The following RHOT1 variants were observed in gnomAD, a reference collection of about 807,000 sequenced individuals.
RHOT1 encodes the protein ras homolog family member T1.
A neutral mutation model predicts 95.3 loss-of-function variants in RHOT1; 27 were observed. The observed-to-expected ratio is 0.28, with a 90% CI of 0.21 to 0.39. The LOEUF is 0.39. Ranked by LOEUF, RHOT1 falls within the 10% of genes least tolerant of loss-of-function variation. The pLI is 1.00. For synonymous variants in RHOT1, 227 were observed against 263.5 expected, an observed-to-expected ratio of 0.86 and a Z score of 1.34; for missense variants, 578 against 786.7, an observed-to-expected ratio of 0.73 and a Z score of 3.17.
chr17:32,197,363 G>T (rs2036967821), intron 11 of RHOT1, among the ~76,000 whole-genome samples: 1 of 150,502 alleles, frequency 6.6e-6, no homozygotes, highest in South Asian at 2.1e-4. Flanking sequence ...CGAGTAGCTG[G>T]GATTACAGGT....
At chr17:32,215,554 A>G (rs146085064) in intron 19 of RHOT1, among the ~76,000 whole-genome samples, 1,651 of 144,762 alleles carry the variant, frequency 0.011, 30 homozygotes, top group African/African-American at 0.04. Context: ...AACTTTGGTT[A>G]TATTTTCAGT....
At chr17:32,211,434 A>G (rs2142910879) in intron 19 of RHOT1, 196 bp downstream of exon 19, 1 of 410,544 alleles carries the variant, frequency 2.4e-6, no homozygotes, top group East Asian at 3.6e-5. Flanking sequence ...ATTAATAGGT[A>G]TATTTAGAGG....
chr17:32,194,067 G>C lies in RHOT1; in HGVS notation c.829G>C (p.Asp277His), dbSNP rs747003726. Reference protein sequence around the residue: ...TWTVLRRFGYDDDLDLTPEYL... With the variant: ...TWTVLRRFGYHDDLDLTPEYL... ...GACTGTGCTTCGACGATTTGGTTAT[G>C]ATGATGACCTGGATTTGACACCTGA... is the stretch of plus-strand genomic sequence containing the variant. Residue 277 changes from aspartate (D) to histidine (H), a missense_variant, in exon 11 of 20, where the codon GAT becomes CAT. This residue lies in a region of RHOT1 where 227 missense variants were observed against 316.0 expected (regional missense o/e 0.72). Transcript: ENST00000545287. 10 of 1,614,056 alleles carry C rather than the reference G, an allele frequency of 6.2e-6. No homozygotes were observed. The highest frequency in any genetic ancestry group is 8.5e-6 in the Non-Finnish European group (10 of 1,180,034).
intron 16 of RHOT1, among the ~76,000 whole-genome samples, chr17:32,204,407 G>A (rs992781109): frequency 3.3e-5 from 5 of 151,636 alleles, no homozygotes; most frequent in East Asian, 1.9e-4. Flanking sequence ...AAAATTAGCC[G>A]GGCATGGTGG....
At chr17:32,177,817 C>G (rs2035138535) in intron 6 of RHOT1, among the ~76,000 whole-genome samples, 2 of 147,082 alleles carry the variant, frequency 1.4e-5, no homozygotes, top group African/African-American at 5.0e-5. Flanking sequence ...TGACATCTTT[C>G]TTTCTTTCTT....
At chr17:32,169,629 A>T (rs998583705) in intron 1 of RHOT1, among the ~76,000 whole-genome samples, 2 of 152,314 alleles carry the variant, frequency 1.3e-5, no homozygotes, top group African/African-American at 4.8e-5. Context: ...AGTTAAAAAT[A>T]AAAAAGATCT....
intron 1 of RHOT1, 77 bp downstream of exon 1, chr17:32,142,806 C>CT: frequency 7.8e-7 from 1 of 1,289,404 alleles, no homozygotes; most frequent in Non-Finnish European, 1.1e-6. Flanking sequence ...CCTGTCGCCC[C>CT]TGCAGCCCCA....
Position 32,194,074 on chromosome 17 carries a change from A to T in RHOT1, c.836A>T (p.Asp279Val), listed in dbSNP as rs1340844158. The T allele has an allele frequency of 6.2e-7, 1 of 1,614,090 alleles. No homozygotes were observed. ...TVLRRFGYDD[D>V]LDLTPEYLFP... ...CTTCGACGATTTGGTTATGATGATG[A>T]CCTGGATTTGACACCTGAATATTTG... Residue 279 changes from aspartate to valine, a missense_variant, in exon 11 of 20, where the codon GAC becomes GTC. Asp to Val is a radical substitution (Grantham distance 152, BLOSUM62 -3). This residue lies in a region of RHOT1 where 227 missense variants were observed against 316.0 expected (regional missense o/e 0.72). Coordinates refer to ENST00000545287, the MANE Select transcript of RHOT1 (RefSeq NM_001033566.3).
intron 1 of RHOT1, among the ~76,000 whole-genome samples, chr17:32,149,503 T>A (rs367689612): frequency 6.8e-6 from 1 of 146,154 alleles, no homozygotes; most frequent in Non-Finnish European, 1.5e-5. Flanking sequence ...TTTCATTATC[T>A]TTAGCATAGT....
At chr17:32,189,084 G>T (rs1430657535) in intron 8 of RHOT1, among the ~76,000 whole-genome samples, 1 of 152,198 alleles carries the variant, frequency 6.6e-6, no homozygotes, top group Non-Finnish European at 1.5e-5. Flanking sequence ...TGGATCATGA[G>T]GTAGGATATC....
intron 1 of RHOT1, among the ~76,000 whole-genome samples, chr17:32,161,257 GA>G (rs1460006984): frequency 4.6e-5 from 7 of 152,314 alleles, no homozygotes; most frequent in African/African-American, 1.7e-4. Flanking sequence ...TCGGGATGTG[GA>G]AAACGTTCCT....
At position 32,225,609 on chromosome 17, in the gene RHOT1, A is replaced by G. The variant is rs2039077693; in HGVS notation, c.*876A>G. ...TCTATATCAGGCTAGGATAACCTAG[A>G]GGCAGTAATTTTTTAAATGATAAAA... On this transcript the variant is annotated 3_prime_UTR_variant, in exon 20 of 20. Transcript: ENST00000545287. The G allele has an allele frequency of 6.6e-6, 1 of 152,420 alleles. No individual in the cohort carries two copies. Among genetic ancestry groups the G allele is most frequent in the Non-Finnish European group, 1.5e-5 (1 of 68,040 alleles). 9.4% of individuals were successfully genotyped at this position (152,420 alleles called of 1,614,324 possible). A position where few individuals can be genotyped will look rare whatever the true frequency, so the allele number is the denominator to read the frequency against.
intron 2 of RHOT1, among the ~76,000 whole-genome samples, 162 bp downstream of exon 2, chr17:32,171,263 C>T (rs927567458): frequency 6.6e-6 from 1 of 152,138 alleles, no homozygotes; most frequent in African/African-American, 2.4e-5. Context: ...CTCTATTGCC[C>T]AGGCTGGAGT....
chr17:32,148,385 A>C (rs188811656), intron 1 of RHOT1, among the ~76,000 whole-genome samples: 1 of 152,262 alleles, frequency 6.6e-6, no homozygotes, highest in South Asian at 2.1e-4. Context: ...CATAGAGTCC[A>C]TTCTGCATAA....
At chr17:32,182,979 C>G in intron 7 of RHOT1, 114 bp downstream of exon 7, 1 of 793,424 alleles carries the variant, frequency 1.3e-6, no homozygotes, top group Non-Finnish European at 2.0e-6. Context: ...TTTGTGAAGT[C>G]ACGTAAACCA....
intron 1 of RHOT1, among the ~76,000 whole-genome samples, chr17:32,148,040 C>T (rs1193294735): frequency 2.0e-5 from 3 of 152,018 alleles, no homozygotes; most frequent in Admixed American, 6.6e-5. Flanking sequence ...CTGAGGCGGG[C>T]GGATCACAAG....
At chr17:32,176,037 C>G in intron 5 of RHOT1, 22 bp downstream of exon 5, 8 of 1,601,194 alleles carry the variant, frequency 5.0e-6, no homozygotes, top group Non-Finnish European at 5.1e-6. Context: ...CTTTTTTTCC[C>G]TATAGTTGGT....
chr17:32,165,808 C>A (rs1034403921), intron 1 of RHOT1, among the ~76,000 whole-genome samples: 1 of 152,008 alleles, frequency 6.6e-6, no homozygotes, highest in Non-Finnish European at 1.5e-5. Context: ...AACAGGCATA[C>A]CTCAGAGAAA....
rs375632536 is a variant in RHOT1, at chr17:32,206,385, T to TCTTAATC, written c.1417-524_1417-518dup. ...TGCACCTGGCTAAGCTTCCACAGAA[T>TCTTAATC]CTTAATCACCATTTTTAGTCTGCAG... On this transcript the variant is annotated intron_variant, in intron 16 of 19. Transcript: ENST00000545287. Among the ~76,000 whole-genome samples, 1,089 of 148,708 alleles carry TCTTAATC rather than the reference T, an allele frequency of 7.3e-3. 18 individuals are homozygous for TCTTAATC. Among genetic ancestry groups the TCTTAATC allele is most frequent in the African/African-American group, 0.026 (1,032 of 40,272 alleles).
Sources: gnomAD v4.1 joint callset for allele counts (sites outside exome capture counted in the v4.1 genomes callset) on GRCh38, gnomAD v4.1.1 for gene constraint, gnomAD v4.1.1 regional missense constraint, MANE v1.5 for transcripts, NCBI Gene and HGNC (gene_info 2026-07-23, HGNC 2026-07-21) for gene names.